PYROXD2: variants seen among roughly 807,000 people sequenced by gnomAD.
PYROXD2 encodes pyridine nucleotide-disulfide oxidoreductase domain-containing protein 2.
PYROXD2 carries 69 observed loss-of-function variants against 71.1 expected under a neutral mutation model. That is an observed-to-expected ratio of 0.97 (90% CI 0.80 to 1.19). The LOEUF is 1.19. Ranked by LOEUF, PYROXD2 falls within the 50% of genes most tolerant of loss-of-function variation. PYROXD2 has a pLI of 0.00. For synonymous variants in PYROXD2, 287 were observed against 302.7 expected, an observed-to-expected ratio of 0.95 and a Z score of 0.54; for missense variants, 745 against 748.9, an observed-to-expected ratio of 0.99 and a Z score of 0.06.
intron 4 of PYROXD2, among the ~76,000 whole-genome samples, chr10:98,404,061 C>G (rs1843512099): frequency 6.6e-6 from 1 of 152,176 alleles, no homozygotes; most frequent in African/African-American, 2.4e-5. Context: ...GGTGTTAAAT[C>G]AAATTTAGCT....
chr10:98,402,564 G>T (rs906214911), intron 4 of PYROXD2, among the ~76,000 whole-genome samples: 3 of 152,180 alleles, frequency 2.0e-5, no homozygotes, highest in Non-Finnish European at 4.4e-5. Context: ...AATTTTCCAA[G>T]AGCACATCCA....
At chr10:98,410,639 G>T in intron 2 of PYROXD2, 4 of 463,772 alleles carry the variant, frequency 8.6e-6, no homozygotes, top group Admixed American at 3.8e-5. Context: ...TTGGTTACAT[G>T]CTTCCCCACC....
At chr10:98,390,890 G>T in intron 11 of PYROXD2, 120 bp downstream of exon 11, 1 of 1,356,450 alleles carries the variant, frequency 7.4e-7, no homozygotes, top group East Asian at 2.3e-5. Flanking sequence ...AGGCTGCAGG[G>T]GGACACAGGC....
In PYROXD2 at chr10:98,388,434, AG is replaced by A. The variant is rs1299896508; in HGVS notation, c.1366del (p.Leu456SerfsTer107). 3 of 1,613,336 alleles carry A rather than the reference AG, an allele frequency of 1.9e-6. No homozygotes were observed. Among genetic ancestry groups the A allele is most frequent in the Non-Finnish European group, 2.5e-6 (3 of 1,179,866 alleles). On this transcript the variant is annotated frameshift_variant, in exon 13 of 16. Coordinates refer to ENST00000370575, the MANE Select transcript of PYROXD2 (RefSeq NM_032709.3). LOFTEE classifies it high-confidence loss of function. ...LAPPGCHVVS[L>X]FTQYMPYTLA... ...CGTATAGGGCATGTACTGAGTGAAG[AG>A]GGAGACTACATGGCAGCCAGGGGGA...
Position 98,390,719 on chromosome 10 carries a change from G to A in PYROXD2, c.1171C>T (p.Pro391Ser). The A allele has an allele frequency of 6.2e-7, 1 of 1,608,392 alleles. No homozygotes were observed. Among genetic ancestry groups the A allele is most frequent in the South Asian group, 1.1e-5 (1 of 90,188 alleles). Residue 391 changes from proline to serine, a missense_variant, in exon 12 of 16, where the codon CCC (proline) becomes TCC (serine). Coordinates refer to ENST00000370575, the MANE Select transcript of PYROXD2 (RefSeq NM_032709.3). ...AGCGGCTGGCCCCTGGGAGCATTGG[G>A]GGCCGCCAGGAAGCTGGGCAGCCTG... Reference protein sequence around the residue: ...VDRLPSFLAAPNAPRGQPLPH... With the variant: ...VDRLPSFLAASNAPRGQPLPH...
At position 98,390,458 on chromosome 10, in the gene PYROXD2, G is replaced by A. The variant is rs112782173; in HGVS notation, c.1292+140C>T. On this transcript the variant is annotated intron_variant, in intron 12 of 15. Coordinates refer to ENST00000370575, the MANE Select transcript of PYROXD2 (RefSeq NM_032709.3). ...ACCTGGGATGCACTTCCTGTCCTTA[G>A]GAGTATGGATTTTGGCAGATCCTAA... 9.9e-4 allele frequency: 983 copies of A among 991,930 alleles called. 3 individuals carry two copies. The African/African-American group carries it at 0.015, about 15-fold the overall frequency. 61.4% of individuals were successfully genotyped at this position (991,930 alleles called of 1,614,324 possible).
intron 6 of PYROXD2, 79 bp from the exon 7 acceptor site, chr10:98,395,531 A>T (rs1036276546): frequency 4.6e-6 from 6 of 1,295,620 alleles, no homozygotes; most frequent in Non-Finnish European, 6.7e-6. Flanking sequence ...GGATAAAAGC[A>T]TGGAGGATGC....
At chr10:98,395,571 A>C (rs367971139) in intron 6 of PYROXD2, 119 bp from the exon 7 acceptor site, 3 of 824,320 alleles carry the variant, frequency 3.6e-6, no homozygotes. Flanking sequence ...GTGGTATAGC[A>C]CAGCCAATGC....
chr10:98,412,575 C>T (rs1447709231), intron 1 of PYROXD2, among the ~76,000 whole-genome samples: 2 of 152,158 alleles, frequency 1.3e-5, no homozygotes, highest in Non-Finnish European at 2.9e-5. Flanking sequence ...CACTCTCAGG[C>T]ACATTTAGTC....
Position 98,383,812 on chromosome 10 carries a change from G to A in PYROXD2, c.1732C>T (p.Leu578Phe), listed in dbSNP as rs1441800536. ...RNAAHVAFRD[L>F]KSM ...CTGGTTCAGGGTCACATGCTCTTGA[G>A]GTCCCTAAAGGCCACATGTGCTGCA... Residue 578 changes from leucine to phenylalanine, a missense_variant, in exon 16 of 16, where the codon CTC becomes TTC. Coordinates refer to ENST00000370575, the MANE Select transcript of PYROXD2 (RefSeq NM_032709.3). 1.2e-6 allele frequency: 2 copies of A among 1,614,028 alleles called. No individual in the cohort carries two copies. The highest frequency in any genetic ancestry group is 1.7e-6 in the Non-Finnish European group (2 of 1,179,948).
At chr10:98,407,089 G>A (rs539813472) in intron 4 of PYROXD2, among the ~76,000 whole-genome samples, 1 of 151,988 alleles carries the variant, frequency 6.6e-6, no homozygotes, top group Non-Finnish European at 1.5e-5. Flanking sequence ...GTTGGGCCAG[G>A]TTGTGGACAA....
chr10:98,402,081 G>A (rs1843431955), intron 4 of PYROXD2, among the ~76,000 whole-genome samples: 1 of 152,148 alleles, frequency 6.6e-6, no homozygotes, highest in South Asian at 2.1e-4. Flanking sequence ...TGAATAATAT[G>A]TTGCAGTGCA....
intron 4 of PYROXD2, among the ~76,000 whole-genome samples, chr10:98,404,467 T>C (rs1199795297): frequency 6.6e-6 from 1 of 152,222 alleles, no homozygotes; most frequent in African/African-American, 2.4e-5. Flanking sequence ...GGTTTAATTA[T>C]GTGGAGTCTG....
intron 1 of PYROXD2, 84 bp downstream of exon 1, chr10:98,414,925 C>G: frequency 1.7e-5 from 26 of 1,506,252 alleles, no homozygotes; most frequent in Non-Finnish European, 2.3e-5. Flanking sequence ...TGGGGCTTGG[C>G]TCCCCCTCCC....
In PYROXD2 at chr10:98,385,727, C is replaced by A. The variant is rs140781435; in HGVS notation, c.1555-660G>T. Among the ~76,000 whole-genome samples the A allele has an allele frequency of 3.3e-5, 5 of 152,316 alleles. No individual in the cohort carries two copies. The East Asian group carries it at 9.7e-4, about 29-fold the overall frequency. Reference sequence around the variant, plus strand: ...CTCGAGTCTGCTCCTCCCCATCCTCCTGCATAAGTGAATGACACCACCTTC... The same window carrying A: ...CTCGAGTCTGCTCCTCCCCATCCTCATGCATAAGTGAATGACACCACCTTC... On this transcript the variant is annotated intron_variant, in intron 14 of 15. Transcript: ENST00000370575.
chr10:98,390,968 T>A, intron 11 of PYROXD2, 42 bp downstream of exon 11: 1 of 1,522,086 alleles, frequency 6.6e-7, no homozygotes, highest in Non-Finnish European at 9.1e-7. Context: ...CTCACTCAGA[T>A]GGGTCAAAGG....
At chr10:98,392,298 C>A (rs6584191) in intron 10 of PYROXD2, 134 bp downstream of exon 10, 138 of 1,432,094 alleles carry the variant, frequency 9.6e-5, no homozygotes, top group African/African-American at 9.6e-4. Context: ...GCCCTTACCC[C>A]CCTGTTTCCC....
rs1338000816 is a variant in PYROXD2, at chr10:98,383,921, GGGGGT to G, written c.1676-58_1676-54del. 6 of 1,523,934 alleles carry G rather than the reference GGGGGT, an allele frequency of 3.9e-6. No individual in the cohort carries two copies. The East Asian group carries it at 1.1e-4, about 29-fold the overall frequency. The allele number at this position is 1,523,934 out of a possible 1,614,324, so 94.4% of individuals were successfully genotyped here. ...GCTCCGCTCAAAAACCTGCCAGGGT[GGGGGT>G]GGGGACAGGGCTTACAGAGATCCAG... On this transcript the variant is annotated intron_variant, in intron 15 of 15. Transcript: ENST00000370575.
chr10:98,412,109 C>T (rs1172614954), intron 1 of PYROXD2, among the ~76,000 whole-genome samples: 1 of 152,186 alleles, frequency 6.6e-6, no homozygotes, highest in Non-Finnish European at 1.5e-5. Flanking sequence ...TGCCAGGGAC[C>T]CTGCAGTGTG....
Sources: gnomAD v4.1 joint callset for allele counts (sites outside exome capture counted in the v4.1 genomes callset) on GRCh38, gnomAD v4.1.1 for gene constraint, MANE v1.5 for transcripts, NCBI Gene and HGNC (gene_info 2026-07-23, HGNC 2026-07-21) for gene names.